The following COBLL1 variants were observed in gnomAD, a reference collection of about 807,000 sequenced individuals.
The protein encoded by COBLL1 is cordon-bleu protein-like 1.
Under a neutral mutation model 94.8 loss-of-function variants are expected in COBLL1, and 50 were observed. That is an observed-to-expected ratio of 0.53 (90% CI 0.42 to 0.67). The LOEUF is 0.67. Ranked by LOEUF, COBLL1 falls within the 30% of genes least tolerant of loss-of-function variation. COBLL1 has a pLI of 0.00. For synonymous variants in COBLL1, 448 were observed against 473.8 expected, an observed-to-expected ratio of 0.95 and a Z score of 0.71; for missense variants, 1,362 against 1,348.7, an observed-to-expected ratio of 1.01 and a Z score of -0.15.
chr2:164,669,176 A>G (rs1450987176), intron 1 of COBLL1, among the ~76,000 whole-genome samples: 1 of 152,148 alleles, frequency 6.6e-6, no homozygotes, highest in Non-Finnish European at 1.5e-5. Flanking sequence ...CTCAGAGAGC[A>G]TAGGATTTTT....
intron 4 of COBLL1, 143 bp from the exon 5 acceptor site, chr2:164,728,340 T>C: frequency 1.7e-6 from 1 of 587,970 alleles, no homozygotes; most frequent in East Asian, 2.9e-5. Context: ...AATTCTCTTT[T>C]TGATTAATGT....
intron 2 of COBLL1, among the ~76,000 whole-genome samples, chr2:164,824,540 G>A (rs778947890): frequency 1.3e-5 from 2 of 152,074 alleles, no homozygotes; most frequent in Admixed American, 6.6e-5. Context: ...CATTATGCAC[G>A]TTCACATATT....
At chr2:164,767,982 A>G (rs1214988093) in intron 2 of COBLL1, among the ~76,000 whole-genome samples, 1 of 152,202 alleles carries the variant, frequency 6.6e-6, no homozygotes, top group Non-Finnish European at 1.5e-5. Flanking sequence ...AACGGTGCAA[A>G]GAACAGACTT....
chr2:164,677,731 G>A (rs1574392749), downstream of COBLL1, among the ~76,000 whole-genome samples: 1 of 152,164 alleles, frequency 6.6e-6, no homozygotes, highest in Admixed American at 6.6e-5. Flanking sequence ...AAGGCAGAAT[G>A]CAAGGAAACC....
intron 2 of COBLL1, among the ~76,000 whole-genome samples, chr2:164,791,727 C>A (rs944060641): frequency 5.9e-5 from 9 of 152,146 alleles, no homozygotes; most frequent in Admixed American, 2.6e-4. Flanking sequence ...TGAGGAGCAA[C>A]TTCTCCACCT....
At chr2:164,671,060 G>A (rs775233383) in intron 1 of COBLL1, among the ~76,000 whole-genome samples, 2 of 152,140 alleles carry the variant, frequency 1.3e-5, no homozygotes, top group Non-Finnish European at 2.9e-5. Flanking sequence ...AACCCATAGA[G>A]ATGATAAAAC....
intron 2 of COBLL1, among the ~76,000 whole-genome samples, chr2:164,769,969 T>C (rs1350862806): frequency 6.6e-6 from 1 of 152,172 alleles, no homozygotes; most frequent in Non-Finnish European, 1.5e-5. Flanking sequence ...GGTCAAGAAA[T>C]GAGCACTTTT....
chr2:164,747,213 A>G (rs1349637848), intron 2 of COBLL1, among the ~76,000 whole-genome samples: 1 of 152,134 alleles, frequency 6.6e-6, no homozygotes, highest in Non-Finnish European at 1.5e-5. Context: ...TTAACTGATT[A>G]TGTTTTATTT....
intron 2 of COBLL1, among the ~76,000 whole-genome samples, chr2:164,763,289 CT>C (rs1033471941): frequency 8.9e-5 from 13 of 146,030 alleles, no homozygotes; most frequent in South Asian, 2.2e-4. Flanking sequence ...TGTCTTTTTT[CT>C]TTTTTTTTTG....
intron 7 of COBLL1, among the ~76,000 whole-genome samples, chr2:164,712,023 A>G (rs1684925641): frequency 6.6e-6 from 1 of 152,196 alleles, no homozygotes; most frequent in Non-Finnish European, 1.5e-5. Context: ...TGGCAAGGTC[A>G]GGTTGAAAAC....
chr2:164,675,815 C>G (rs1475610139), downstream of COBLL1, among the ~76,000 whole-genome samples: 1 of 152,136 alleles, frequency 6.6e-6, no homozygotes, highest in East Asian at 1.9e-4. Context: ...AAACTTGGGA[C>G]TCACCCTTTA....
chr2:164,748,619 T>A (rs1686983508), intron 2 of COBLL1, among the ~76,000 whole-genome samples: 1 of 152,166 alleles, frequency 6.6e-6, no homozygotes, highest in Non-Finnish European at 1.5e-5. Flanking sequence ...AGTTTTCTTA[T>A]CAAATAGATT....
intron 2 of COBLL1, among the ~76,000 whole-genome samples, chr2:164,817,192 T>C (rs2105350346): frequency 6.6e-6 from 1 of 152,284 alleles, no homozygotes; most frequent in East Asian, 1.9e-4. Flanking sequence ...GAAGAGGCTT[T>C]GTCTGGATTA....
intron 2 of COBLL1, among the ~76,000 whole-genome samples, chr2:164,792,667 G>A (rs10490693): frequency 0.12 from 17,913 of 152,070 alleles, 1,413 homozygotes; most frequent in Admixed American, 0.18. Context: ...TACACGTAAC[G>A]CACAGTAAGC....
At chr2:164,659,715 A>G (rs1021789845) in intron 2 of COBLL1, among the ~76,000 whole-genome samples, 2 of 152,210 alleles carry the variant, frequency 1.3e-5, no homozygotes, top group Non-Finnish European at 2.9e-5. Context: ...GGCAACTGCC[A>G]TCTTTTAGGG....
intron 2 of COBLL1, among the ~76,000 whole-genome samples, chr2:164,818,255 TAC>T (rs1559045438): frequency 3.6e-5 from 4 of 112,260 alleles, no homozygotes; most frequent in Admixed American, 1.9e-4. Flanking sequence ...CATGTGCATA[TAC>T]ACATATACAC....
At position 164,694,669 on chromosome 2, in the gene COBLL1, A is replaced by G. The variant is rs778284246; in HGVS notation, c.2723T>C (p.Met908Thr). The G allele has an allele frequency of 6.2e-7, 1 of 1,613,818 alleles. No individual in the cohort carries two copies. The highest frequency in any genetic ancestry group is 8.5e-7 in the Non-Finnish European group (1 of 1,179,936). The change falls in exon 12 of 14, where the codon ATG becomes ACG. Residue 908 changes from methionine (M) to threonine (T), a missense_variant. By Grantham distance (81) the Met-to-Thr change is moderately conservative. Transcript: ENST00000652658. ...ELTNKEAERD[M>T]LPSPEQTLSP... ...AAGAGTCTGCTCCGGAGAAGGCAGCATATCCCTTTCTGCCTCTTTATTTGT... is the reference window on the plus strand; with the variant it reads ...AAGAGTCTGCTCCGGAGAAGGCAGCGTATCCCTTTCTGCCTCTTTATTTGT...
intron 2 of COBLL1, among the ~76,000 whole-genome samples, chr2:164,833,864 T>C (rs1683201347): frequency 6.6e-6 from 1 of 152,124 alleles, no homozygotes; most frequent in African/African-American, 2.4e-5. Context: ...TATAGTGAAC[T>C]TAAATTAAAT....
chr2:164,776,551 C>T (rs759086659), intron 2 of COBLL1, among the ~76,000 whole-genome samples: 5 of 150,404 alleles, frequency 3.3e-5, no homozygotes, highest in Non-Finnish European at 5.9e-5. Flanking sequence ...TAATTCTCTT[C>T]AAAGCATTTA....
Sources: allele counts gnomAD v4.1 joint callset (sites outside exome capture counted in the v4.1 genomes callset), GRCh38; gene constraint gnomAD v4.1.1; transcripts MANE v1.5; gene names NCBI Gene and HGNC (gene_info 2026-07-23, HGNC 2026-07-21).